Variants in FER1L6 observed in about 807,000 individuals in gnomAD.
FER1L6 encodes the protein fer-1 like family member 6, also known as fer-1-like protein 6.
FER1L6 carries 177 observed loss-of-function variants against 219.2 expected under a neutral mutation model. That is an observed-to-expected ratio of 0.81 (90% CI 0.71 to 0.91). The LOEUF (loss-of-function observed/expected upper bound fraction) is 0.91, where lower values mean the gene tolerates loss of function less well. Ranked by LOEUF, FER1L6 falls within the 40% of genes least tolerant of loss-of-function variation. The pLI is 0.00. For missense variants in FER1L6, 2,153 were observed against 2,259.9 expected, an observed-to-expected ratio of 0.95 and a Z score of 0.96; for synonymous variants, 768 against 824.3, an observed-to-expected ratio of 0.93 and a Z score of 1.17.
At chr8:123,867,372 G>A (rs113600240) in intron 1 of FER1L6, among the ~76,000 whole-genome samples, 127 of 152,266 alleles carry the variant, frequency 8.3e-4, no homozygotes, top group Admixed American at 1.9e-3. Context: ...AAAGTCCAAG[G>A]TGGGAAACAT....
intron 1 of FER1L6, among the ~76,000 whole-genome samples, chr8:123,929,569 C>T (rs7826291): frequency 0.2 from 30,509 of 152,034 alleles, 3,869 homozygotes; most frequent in East Asian, 0.44. Context: ...AATACAGAGG[C>T]GGGTCTCCTC....
chr8:124,039,969 C>T lies in FER1L6; in HGVS notation c.2552C>T (p.Ala851Val), dbSNP rs1819406888. Residue 851 changes from alanine (A) to valine (V), a missense_variant, in exon 20 of 41, where the codon GCC (alanine) becomes GTC (valine). Coordinates refer to ENST00000522917, the MANE Select transcript of FER1L6 (RefSeq NM_001039112.2). ...ADSNGLSDPF[A>V]KVTFLSHCQT... is the part of the protein sequence containing the mutation. Reference sequence around the variant, plus strand: ...AGCAATGGACTTTCAGACCCTTTTGCCAAAGTCACGTTCCTTTCTCACTGC... The same window carrying T: ...AGCAATGGACTTTCAGACCCTTTTGTCAAAGTCACGTTCCTTTCTCACTGC... 3 of 1,614,038 alleles carry T rather than the reference C, an allele frequency of 1.9e-6. No individual in the cohort carries two copies. The East Asian group carries it at 6.7e-5, about 36-fold the overall frequency.
At chr8:123,967,079 C>T (rs1397407248) in intron 5 of FER1L6, among the ~76,000 whole-genome samples, 4 of 118,744 alleles carry the variant, frequency 3.4e-5, no homozygotes, top group Non-Finnish European at 7.2e-5. Flanking sequence ...GAGACTCCAC[C>T]TCAAAAAAAA....
intron 22 of FER1L6, among the ~76,000 whole-genome samples, 167 bp from the exon 23 acceptor site, chr8:124,060,013 T>C (rs1344025712): frequency 2.6e-5 from 4 of 152,244 alleles, no homozygotes; most frequent in Admixed American, 2.6e-4. Flanking sequence ...CATTTATCAA[T>C]TAATAAATAA....
At chr8:123,955,901 A>C in intron 1 of FER1L6, 91 bp from the exon 2 acceptor site, 1 of 1,229,150 alleles carries the variant, frequency 8.1e-7, no homozygotes, top group Non-Finnish European at 1.2e-6. Flanking sequence ...GGTGGGCTTC[A>C]TGAAGCTCGG....
rs146370970 is a variant in FER1L6 at position 123,987,323 on chromosome 8, A to G, written c.1519+1147A>G. Among the ~76,000 whole-genome samples the G allele has an allele frequency of 4.1e-3, 621 of 152,254 alleles. 5 individuals are homozygous for G. Among genetic ancestry groups the G allele is most frequent in the African/African-American group, 0.014 (591 of 41,536 alleles). Reference sequence around the variant, plus strand: ...TTTGCCATTTGTATGTCTTTTTTTGAGAAATGGCTATTCAGATCTTTCACC... The same window carrying G: ...TTTGCCATTTGTATGTCTTTTTTTGGGAAATGGCTATTCAGATCTTTCACC... On this transcript the variant is annotated intron_variant, in intron 12 of 40. Coordinates refer to ENST00000522917, the MANE Select transcript of FER1L6 (RefSeq NM_001039112.2).
Position 124,009,904 on chromosome 8 carries a change from C to G in FER1L6, c.1701-690C>G, listed in dbSNP as rs948545209. ...TTCGAAGGTCAGGTAGCTGGCAACC[C>G]GGGCAGGAGAAGTCTTGTTCTAGTT... On this transcript the variant is annotated intron_variant, in intron 13 of 40. Transcript: ENST00000522917. Among the ~76,000 whole-genome samples the G allele has an allele frequency of 2.6e-5, 4 of 151,614 alleles. No individual in the cohort carries two copies. In the East Asian group the frequency reaches 7.8e-4, roughly 29 times the overall value.
At chr8:124,028,271 A>C (rs566300721) in intron 18 of FER1L6, among the ~76,000 whole-genome samples, 2 of 152,338 alleles carry the variant, frequency 1.3e-5, no homozygotes, top group African/African-American at 4.8e-5. Context: ...TGCTCTGGGC[A>C]GTAGCTTTCT....
At chr8:124,086,567 G>T (rs528013612) in intron 33 of FER1L6, among the ~76,000 whole-genome samples, 2 of 151,546 alleles carry the variant, frequency 1.3e-5, no homozygotes, top group African/African-American at 4.8e-5. Context: ...AAAAGTTGTT[G>T]TAGTTATTTT....
At chr8:123,865,827 C>T (rs1197052237) in intron 1 of FER1L6, among the ~76,000 whole-genome samples, 1 of 151,482 alleles carries the variant, frequency 6.6e-6, no homozygotes, top group Non-Finnish European at 1.5e-5. Flanking sequence ...CAATGCCTCG[C>T]CCTGCTTTGG....
At position 123,980,769 on chromosome 8, in the gene FER1L6, C is replaced by T. The variant is rs1816286506; in HGVS notation, c.1368C>T (p.Asn456=). 6.2e-7 allele frequency: 1 copy of T among 1,614,002 alleles called. No homozygotes were observed. The highest frequency in any genetic ancestry group is 1.3e-5 in the African/African-American group (1 of 74,922). The change falls in exon 11 of 41, where the codon AAC becomes AAT. Residue 456 remains asparagine, a synonymous_variant. Transcript: ENST00000522917. ...GKSQQASNKT[N]STEVEVESFD... ...CCCAACAGGCTTCAAACAAAACTAA[C>T]TCAACCGAGGTGGAGGTGGAATCGT... is the stretch of plus-strand genomic sequence containing the variant.
chr8:124,113,810 A>G lies in FER1L6; in HGVS notation c.5290-5034A>G, dbSNP rs555101105. The stretch of plus-strand genomic sequence containing the variant: ...AAGTTAGATACAACAGCATTTATCA[A>G]GTTGTTTAATATGTGATACTGTTTA... On this transcript the variant is annotated intron_variant, in intron 39 of 40. Coordinates refer to ENST00000522917, the MANE Select transcript of FER1L6 (RefSeq NM_001039112.2). Among the ~76,000 whole-genome samples the G allele has an allele frequency of 9.8e-4, 149 of 152,300 alleles. No homozygotes were observed. In the Middle Eastern group the frequency reaches 0.02, roughly 21 times the overall value.
intron 28 of FER1L6, among the ~76,000 whole-genome samples, chr8:124,068,011 A>T (rs549449978): frequency 6.6e-6 from 1 of 152,314 alleles, no homozygotes; most frequent in East Asian, 1.9e-4. Context: ...GTTCTTCTGA[A>T]TTCAGCTCAG....
chr8:123,965,950 A>G, intron 3 of FER1L6, 57 bp from the exon 4 acceptor site: 1 of 1,419,832 alleles, frequency 7.0e-7, no homozygotes, highest in South Asian at 1.2e-5. Context: ...GAATATTATC[A>G]TGACTTATGG....
At position 123,975,895 on chromosome 8, in the gene FER1L6, A is replaced by C; in HGVS notation, c.684-3A>C. On this transcript the variant is annotated splice_region_variant and splice_polypyrimidine_tract_variant and intron_variant, in intron 8 of 40. Coordinates refer to ENST00000522917, the MANE Select transcript of FER1L6 (RefSeq NM_001039112.2). Reference sequence around the variant, plus strand: ...TTTTCATTTGTTTTTGTCTCCCTCTAAGGAACCTTTTGATCCCCAATGGGT... The same window carrying C: ...TTTTCATTTGTTTTTGTCTCCCTCTCAGGAACCTTTTGATCCCCAATGGGT... 6.4e-7 allele frequency: 1 copy of C among 1,565,608 alleles called. No individual in the cohort carries two copies. Among genetic ancestry groups the C allele is most frequent in the Middle Eastern group, 1.7e-4 (1 of 5,862 alleles).
chr8:124,048,849 G>A lies in FER1L6; in HGVS notation c.2725-758G>A, dbSNP rs560503343. Among the ~76,000 whole-genome samples, 10 of 152,318 alleles carry A rather than the reference G, an allele frequency of 6.6e-5. No homozygotes were observed. The East Asian group carries it at 7.7e-4, about 12-fold the overall frequency. ...TGAAGTCTGCCTGGCTCCAAAGCTCGTGCTCCCAACCACAGTGATGCCCTG... is the reference window on the plus strand; with the variant it reads ...TGAAGTCTGCCTGGCTCCAAAGCTCATGCTCCCAACCACAGTGATGCCCTG... On this transcript the variant is annotated intron_variant, in intron 21 of 40. Coordinates refer to ENST00000522917, the MANE Select transcript of FER1L6 (RefSeq NM_001039112.2).
chr8:123,885,894 C>T (rs1817193093), intron 1 of FER1L6, among the ~76,000 whole-genome samples: 1 of 152,196 alleles, frequency 6.6e-6, no homozygotes, highest in African/African-American at 2.4e-5. Flanking sequence ...ACCTTCCTCC[C>T]CCACTTACAT....
At chr8:123,999,308 T>A (rs563982495) in intron 12 of FER1L6, among the ~76,000 whole-genome samples, 1 of 152,328 alleles carries the variant, frequency 6.6e-6, no homozygotes, top group South Asian at 2.1e-4. Flanking sequence ...GGGTTCTTCC[T>A]TTCAAGGCAG....
intron 2 of FER1L6, among the ~76,000 whole-genome samples, chr8:123,961,734 T>C (rs938716875): frequency 6.6e-6 from 1 of 152,304 alleles, no homozygotes; most frequent in Admixed American, 6.5e-5. Context: ...CAAATTTACC[T>C]TGGGGTGGAG....
Sources: allele counts gnomAD v4.1 joint callset (sites outside exome capture counted in the v4.1 genomes callset), GRCh38; gene constraint gnomAD v4.1.1; transcripts MANE v1.5; gene names NCBI Gene and HGNC (gene_info 2026-07-23, HGNC 2026-07-21).